DNAJC3: variants seen among roughly 807,000 people sequenced by gnomAD.
DNAJC3 encodes DnaJ heat shock protein family (Hsp40) member C3.
Under a neutral mutation model 68.6 loss-of-function variants are expected in DNAJC3, and 38 were observed. That is an observed-to-expected ratio of 0.55 (90% CI 0.43 to 0.73). The LOEUF (loss-of-function observed/expected upper bound fraction) is 0.73. DNAJC3 is among the 30% of genes least tolerant of loss of function. The pLI is 0.00. For missense variants in DNAJC3, 526 were observed against 591.9 expected, an observed-to-expected ratio of 0.89 and a Z score of 1.16; for synonymous variants, 203 against 204.0, an observed-to-expected ratio of 1.00 and a Z score of 0.04.
intron 9 of DNAJC3, 50 bp downstream of exon 9, chr13:95,764,003 T>C (rs1882899846): frequency 6.3e-7 from 1 of 1,587,956 alleles, no homozygotes; most frequent in Non-Finnish European, 8.6e-7. Context: ...GATTAGGAAA[T>C]TATCACATTT....
chr13:95,729,221 CCGCCCTCTCCCT>C (rs1881627545), intron 4 of DNAJC3, among the ~76,000 whole-genome samples: 1 of 124,998 alleles, frequency 8.0e-6, no homozygotes, highest in African/African-American at 3.0e-5. Context: ...CTCTTTTCCC[CCGCCCTCTCCCT>C]CTCCCCCTCC....
chr13:95,785,879 A>C (rs1008816007), intron 9 of DNAJC3, 60 bp from the exon 10 acceptor site: 7 of 1,471,866 alleles, frequency 4.8e-6, no homozygotes, highest in Non-Finnish European at 4.5e-6. Context: ...TTTACAGGAT[A>C]AGAAAAGGCA....
At chr13:95,778,582 CCA>C (rs998619835) in intron 9 of DNAJC3, among the ~76,000 whole-genome samples, 1 of 152,060 alleles carries the variant, frequency 6.6e-6, no homozygotes, top group Non-Finnish European at 1.5e-5. Context: ...AATAACCCAG[CCA>C]CACACAGAAA....
intron 1 of DNAJC3, among the ~76,000 whole-genome samples, chr13:95,679,421 G>T (rs1331340307): frequency 1.3e-5 from 2 of 152,034 alleles, no homozygotes; most frequent in Non-Finnish European, 2.9e-5. Context: ...AGAACCACTG[G>T]TGTAATAAAT....
chr13:95,759,763 T>C (rs1424388256), intron 5 of DNAJC3, among the ~76,000 whole-genome samples: 1 of 152,212 alleles, frequency 6.6e-6, no homozygotes, highest in East Asian at 1.9e-4. Context: ...CTTAGAATTA[T>C]ATAATCGAAG....
In DNAJC3 at chr13:95,677,307, C is replaced by A; in HGVS notation, c.52C>A (p.Leu18Met). The A allele has an allele frequency of 6.2e-7, 1 of 1,600,324 alleles. No individual in the cohort carries two copies. Among genetic ancestry groups the A allele is most frequent in the Non-Finnish European group, 8.5e-7 (1 of 1,174,750 alleles). Residue 18 changes from leucine (L) to methionine (M), a missense_variant, in exon 1 of 12, where the codon CTG becomes ATG. Physicochemically the swap from Leu to Met is conservative, Grantham distance 15. Transcript: ENST00000602402. Reference sequence around the variant, plus strand: ...CCGGCTGGGCTCGGTATTCCCCTTCCTGCTAGTCCTGGTGGATCTGCAGTA... The same window carrying A: ...CCGGCTGGGCTCGGTATTCCCCTTCATGCTAGTCCTGGTGGATCTGCAGTA... ...TSRLGSVFPF[L>M]LVLVDLQYEG...
intron 9 of DNAJC3, among the ~76,000 whole-genome samples, chr13:95,778,265 C>T (rs1883342132): frequency 6.6e-6 from 1 of 152,110 alleles, no homozygotes; most frequent in African/African-American, 2.4e-5. Flanking sequence ...TGTCCAAACA[C>T]CAAACAAAGC....
chr13:95,784,635 A>G (rs1351194466), intron 9 of DNAJC3, among the ~76,000 whole-genome samples: 6 of 152,170 alleles, frequency 3.9e-5, no homozygotes, highest in Non-Finnish European at 8.8e-5. Flanking sequence ...TTTCATACAA[A>G]CAGTTCAGGC....
chr13:95,788,602 A>T (rs541308634), intron 11 of DNAJC3, among the ~76,000 whole-genome samples: 2 of 152,354 alleles, frequency 1.3e-5, no homozygotes, highest in African/African-American at 2.4e-5. Flanking sequence ...ACTTGAAATA[A>T]ATCTTGGCTA....
At chr13:95,780,990 G>A (rs901176639) in intron 9 of DNAJC3, among the ~76,000 whole-genome samples, 25 of 152,216 alleles carry the variant, frequency 1.6e-4, no homozygotes, top group African/African-American at 6.0e-4. Context: ...TTCAAATGCT[G>A]GTCTGTGCTG....
intron 9 of DNAJC3, among the ~76,000 whole-genome samples, chr13:95,766,991 C>T (rs905062287): frequency 2.8e-4 from 42 of 152,094 alleles, no homozygotes; most frequent in African/African-American, 9.9e-4. Flanking sequence ...TGAGCCACCA[C>T]GCCTGGCCAG....
At chr13:95,790,781 GCCCA>G in intron 11 of DNAJC3, 88 bp from the exon 12 acceptor site, 2 of 1,381,002 alleles carry the variant, frequency 1.4e-6, no homozygotes, top group Non-Finnish European at 2.0e-6. Flanking sequence ...AGCTCCTCAA[GCCCA>G]CCCACCCTCC....
At chr13:95,730,014 G>T (rs1881662052) in intron 4 of DNAJC3, among the ~76,000 whole-genome samples, 1 of 151,994 alleles carries the variant, frequency 6.6e-6, no homozygotes, top group Admixed American at 6.6e-5. Context: ...TTACATTTTT[G>T]AGTTGGGGTC....
intron 1 of DNAJC3, chr13:95,692,763 A>G (rs1193678621): frequency 1.3e-5 from 2 of 152,034 alleles, no homozygotes; most frequent in Non-Finnish European, 1.5e-5. Context: ...TAGACCTTAC[A>G]ATACTCACAA....
chr13:95,727,478 T>C (rs1881569449), intron 4 of DNAJC3, among the ~76,000 whole-genome samples: 1 of 152,210 alleles, frequency 6.6e-6, no homozygotes, highest in South Asian at 2.1e-4. Flanking sequence ...GCTCTTACTA[T>C]TGTTATAGGG....
intron 1 of DNAJC3, among the ~76,000 whole-genome samples, chr13:95,685,373 T>G (rs773434980): frequency 6.6e-6 from 1 of 152,262 alleles, no homozygotes; most frequent in Non-Finnish European, 1.5e-5. Flanking sequence ...TTTACCCTTT[T>G]GGAATGGGAC....
intron 4 of DNAJC3, among the ~76,000 whole-genome samples, chr13:95,734,316 T>G (rs1051428258): frequency 1.3e-5 from 2 of 152,194 alleles, no homozygotes; most frequent in Non-Finnish European, 2.9e-5. Flanking sequence ...GTTGACAGTT[T>G]TCTCTTAGCA....
intron 9 of DNAJC3, among the ~76,000 whole-genome samples, chr13:95,777,057 T>C (rs1883312824): frequency 6.6e-6 from 1 of 152,216 alleles, no homozygotes; most frequent in Non-Finnish European, 1.5e-5. Flanking sequence ...ACTTGGTGAG[T>C]TCATCTTATA....
chr13:95,715,765 G>A (rs1337010685), intron 2 of DNAJC3, among the ~76,000 whole-genome samples: 1 of 151,846 alleles, frequency 6.6e-6, no homozygotes, highest in Non-Finnish European at 1.5e-5. Context: ...GGGATTACAG[G>A]CATGAGCCAC....
Sources: gnomAD v4.1 joint callset for allele counts (sites outside exome capture counted in the v4.1 genomes callset) on GRCh38, gnomAD v4.1.1 for gene constraint, MANE v1.5 for transcripts, NCBI Gene and HGNC (gene_info 2026-07-23, HGNC 2026-07-21) for gene names.